Variants in SYN3 observed in about 807,000 individuals in gnomAD.
The protein encoded by SYN3 is synapsin-3.
Under a neutral mutation model 65.8 loss-of-function variants are expected in SYN3, and 35 were observed. That is an observed-to-expected ratio of 0.53 (90% CI 0.41 to 0.70). The LOEUF is 0.70. Among genes scored for constraint, SYN3 ranks in the 30% least tolerant of loss-of-function variants. The pLI, the probability that SYN3 is intolerant of heterozygous loss-of-function variation, is 0.00. For synonymous variants in SYN3, 270 were observed against 292.9 expected (o/e 0.92, Z 0.80); for missense variants, 680 against 749.0 (o/e 0.91, Z 1.08).
intron 4 of SYN3, among the ~76,000 whole-genome samples, chr22:32,921,852 T>C (rs1243976894): frequency 6.6e-6 from 1 of 151,398 alleles, no homozygotes; most frequent in Non-Finnish European, 1.5e-5. Flanking sequence ...GGAGGGGGAG[T>C]ATTACAGATA....
intron 6 of SYN3, among the ~76,000 whole-genome samples, chr22:32,689,176 T>C (rs972037391): frequency 3.3e-5 from 5 of 152,144 alleles, no homozygotes; most frequent in Admixed American, 6.5e-5. Context: ...TCTGCGGAGA[T>C]TGGGCAGCTG....
chr22:32,941,320 C>T (rs1398984945), intron 3 of SYN3, among the ~76,000 whole-genome samples: 1 of 152,192 alleles, frequency 6.6e-6, no homozygotes, highest in African/African-American at 2.4e-5. Context: ...TTATAACGAA[C>T]TTTCACACTT....
At chr22:32,941,210 A>G (rs1396676558) in intron 3 of SYN3, among the ~76,000 whole-genome samples, 2 of 152,214 alleles carry the variant, frequency 1.3e-5, no homozygotes, top group Non-Finnish European at 2.9e-5. Context: ...TGGAGGAGAA[A>G]GCACATCTAT....
chr22:32,621,145 C>G (rs1416536332), intron 6 of SYN3, among the ~76,000 whole-genome samples: 2 of 152,198 alleles, frequency 1.3e-5, no homozygotes, highest in East Asian at 1.9e-4. Flanking sequence ...TCCCTCCATG[C>G]TCCCTTGGGC....
At chr22:32,541,776 C>T in intron 7 of SYN3, 63 bp from the exon 8 acceptor site, 1 of 1,562,470 alleles carries the variant, frequency 6.4e-7, no homozygotes. Flanking sequence ...CCACCCTATG[C>T]CAGGAACAAG....
intron 13 of SYN3, 91 bp downstream of exon 13, chr22:32,517,952 C>T (rs1268650629): frequency 4.4e-6 from 6 of 1,349,896 alleles, no homozygotes; most frequent in Non-Finnish European, 5.8e-6. Flanking sequence ...TTGGGTCTTC[C>T]TTTGTCTCCA....
At chr22:32,966,939 A>G (rs1231441829) in intron 3 of SYN3, among the ~76,000 whole-genome samples, 1 of 152,164 alleles carries the variant, frequency 6.6e-6, no homozygotes, top group Non-Finnish European at 1.5e-5. Flanking sequence ...TAAAATAAAA[A>G]GAACCATAAA....
chr22:32,925,613 C>A (rs572453684), intron 4 of SYN3, among the ~76,000 whole-genome samples: 2 of 152,274 alleles, frequency 1.3e-5, no homozygotes, highest in South Asian at 4.1e-4. Context: ...AGGCAGCATA[C>A]CTAGGAGTGT....
intron 13 of SYN3, among the ~76,000 whole-genome samples, chr22:32,514,898 C>T (rs894826013): frequency 1.3e-5 from 2 of 152,290 alleles, no homozygotes; most frequent in African/African-American, 4.8e-5. Context: ...CGCCTGTAGT[C>T]CCAGCTACGC....
At chr22:32,841,919 T>C (rs1310871121) in intron 6 of SYN3, among the ~76,000 whole-genome samples, 1 of 152,128 alleles carries the variant, frequency 6.6e-6, no homozygotes, top group African/African-American at 2.4e-5. Context: ...GAGCTGTCAG[T>C]TGTGCAGATG....
intron 6 of SYN3, among the ~76,000 whole-genome samples, chr22:32,694,815 A>T (rs962393646): frequency 2.6e-5 from 4 of 152,152 alleles, no homozygotes; most frequent in South Asian, 2.1e-4. Context: ...TCCTCTATTG[A>T]ACTTATGAGT....
chr22:33,027,502 C>T (rs2053657971), intron 1 of SYN3, among the ~76,000 whole-genome samples: 1 of 151,954 alleles, frequency 6.6e-6, no homozygotes, highest in Non-Finnish European at 1.5e-5. Context: ...GAGGCTGAGG[C>T]ATGAGAATCA....
At chr22:32,787,218 T>C (rs1053138987) in intron 6 of SYN3, among the ~76,000 whole-genome samples, 1 of 152,040 alleles carries the variant, frequency 6.6e-6, no homozygotes, top group African/African-American at 2.4e-5. Flanking sequence ...CGGCTAATTT[T>C]TGTATTTTTA....
At chr22:32,926,941 C>G (rs2050489247) in intron 4 of SYN3, among the ~76,000 whole-genome samples, 1 of 152,118 alleles carries the variant, frequency 6.6e-6, no homozygotes, top group South Asian at 2.1e-4. Flanking sequence ...TGAGGTTCTT[C>G]CCTACAATGT....
At chr22:32,616,046 T>C (rs1352653351) in intron 6 of SYN3, among the ~76,000 whole-genome samples, 4 of 152,218 alleles carry the variant, frequency 2.6e-5, no homozygotes, top group Non-Finnish European at 5.9e-5. Context: ...TCCCAGGGAA[T>C]GCAGGATGCC....
chr22:32,604,954 C>T lies in SYN3; in HGVS notation c.712-8218G>A, dbSNP rs371998091. Among the ~76,000 whole-genome samples, 589 of 144,050 alleles carry T rather than the reference C, an allele frequency of 4.1e-3. 6 individuals are homozygous for T. The highest frequency in any genetic ancestry group is 0.015 in the African/African-American group (566 of 38,786). 94.5% of individuals were successfully genotyped at this position (144,050 alleles called of 152,430 possible). ...CCGGGAGGTGGAGCTTGCAGTGAGCCGAGATGGCGCCACTGCACACCAGCC... is the reference window on the plus strand; with the variant it reads ...CCGGGAGGTGGAGCTTGCAGTGAGCTGAGATGGCGCCACTGCACACCAGCC... On this transcript the variant is annotated intron_variant, in intron 6 of 13. Transcript: ENST00000358763.
At chr22:32,611,853 C>T (rs1481930871) in intron 6 of SYN3, among the ~76,000 whole-genome samples, 3 of 152,130 alleles carry the variant, frequency 2.0e-5, no homozygotes, top group Non-Finnish European at 4.4e-5. Flanking sequence ...TGGTGGGCTC[C>T]TGGATAGCTT....
At chr22:32,969,456 T>C (rs2051952434) in intron 3 of SYN3, among the ~76,000 whole-genome samples, 1 of 152,206 alleles carries the variant, frequency 6.6e-6, no homozygotes, top group Admixed American at 6.5e-5. Flanking sequence ...TTCTCACAGG[T>C]AAACGTGAAA....
At chr22:32,881,999 G>C (rs1336505291) in intron 4 of SYN3, among the ~76,000 whole-genome samples, 1 of 151,532 alleles carries the variant, frequency 6.6e-6, no homozygotes, top group Non-Finnish European at 1.5e-5. Context: ...AGGCTGCAGT[G>C]AGCCGAGATC....
Sources: allele counts gnomAD v4.1 joint callset (sites outside exome capture counted in the v4.1 genomes callset), GRCh38; gene constraint gnomAD v4.1.1; transcripts MANE v1.5; gene names NCBI Gene and HGNC (gene_info 2026-07-23, HGNC 2026-07-21).